Variants in CTNNA2 observed in about 807,000 individuals in gnomAD.
CTNNA2 encodes catenin alpha 2, also known as catenin alpha-2.
In CTNNA2, 42 loss-of-function variants were observed where a neutral mutation model predicts 101.0. The ratio of observed to expected loss-of-function variants is 0.42; its 90% CI spans 0.32 to 0.54. CTNNA2 has a LOEUF of 0.54. Among genes scored for constraint, CTNNA2 ranks in the 20% least tolerant of loss-of-function variants. CTNNA2 has a pLI of 0.14. For synonymous variants in CTNNA2, 450 were observed against 456.4 expected (o/e 0.99, Z 0.18); for missense variants, 871 against 1,223.1 (o/e 0.71, Z 4.29).
intron 2 of CTNNA2, among the ~76,000 whole-genome samples, chr2:79,658,924 T>C (rs1277264869): frequency 1.3e-5 from 2 of 152,110 alleles, no homozygotes; most frequent in Non-Finnish European, 2.9e-5. Context: ...CAAAATTTAA[T>C]AATTATCTCA....
At chr2:79,224,644 G>C (rs1334239276) in intron 2 of CTNNA2, among the ~76,000 whole-genome samples, 1 of 151,998 alleles carries the variant, frequency 6.6e-6, no homozygotes, top group African/African-American at 2.4e-5. Flanking sequence ...ATCATTCAAT[G>C]AGTTCACACA....
At chr2:80,325,458 A>C (rs1573723119) in intron 7 of CTNNA2, among the ~76,000 whole-genome samples, 1 of 152,228 alleles carries the variant, frequency 6.6e-6, no homozygotes, top group African/African-American at 2.4e-5. Flanking sequence ...GCCATTCTAA[A>C]GTAGAGGTAA....
chr2:80,083,117 A>C (rs776892558), intron 7 of CTNNA2, among the ~76,000 whole-genome samples: 8 of 152,096 alleles, frequency 5.3e-5, no homozygotes, highest in Non-Finnish European at 1.2e-4. Context: ...CTGGACATTC[A>C]AGACATGGTT....
At chr2:80,351,020 T>C (rs1573805081) in intron 7 of CTNNA2, among the ~76,000 whole-genome samples, 1 of 152,146 alleles carries the variant, frequency 6.6e-6, no homozygotes, top group Non-Finnish European at 1.5e-5. Context: ...GCAAGTGAGT[T>C]TGATCATTAT....
At chr2:80,615,440 T>A (rs1164163620) in intron 17 of CTNNA2, among the ~76,000 whole-genome samples, 1 of 151,554 alleles carries the variant, frequency 6.6e-6, no homozygotes, top group Admixed American at 6.6e-5. Flanking sequence ...TTTGACTGAG[T>A]TGGGAATTTA....
rs72915146 is a variant in CTNNA2 at position 79,210,337 on chromosome 2, A to G, written c.-406+12261A>G. Among the ~76,000 whole-genome samples, 1,004 of 152,308 alleles carry G rather than the reference A, an allele frequency of 6.6e-3. 9 individuals are homozygous for G. The highest frequency in any genetic ancestry group is 0.023 in the African/African-American group (963 of 41,556). ...AGACACAGTTTATATGATTAAAATA[A>G]AAGTACATATTAGAATTGCAAATAT... is the stretch of plus-strand genomic sequence containing the variant. On this transcript the variant is annotated intron_variant, in intron 2 of 21. Transcript: ENST00000466387.
chr2:79,821,766 A>G (rs1428825875), intron 3 of CTNNA2, among the ~76,000 whole-genome samples: 1 of 152,202 alleles, frequency 6.6e-6, no homozygotes, highest in African/African-American at 2.4e-5. Flanking sequence ...TACATCCCAT[A>G]TAGAACATAT....
Position 80,373,029 on chromosome 2 carries a change from C to T in CTNNA2, c.1057-20182C>T, listed in dbSNP as rs564838782. Among the ~76,000 whole-genome samples the T allele has an allele frequency of 9.2e-5, 14 of 152,298 alleles. No individual in the cohort carries two copies. In the East Asian group the frequency reaches 1.4e-3, roughly 15 times the overall value. ...TGACATTTAGACTACAAGCTTTAGA[C>T]GGTAACTCCATGCAGATTGTGACCA... On this transcript the variant is annotated intron_variant, in intron 7 of 18. Coordinates refer to ENST00000402739, the MANE Select transcript of CTNNA2 (RefSeq NM_001282597.3).
intron 12 of CTNNA2, among the ~76,000 whole-genome samples, chr2:80,561,928 G>T (rs149501334): frequency 6.7e-6 from 1 of 149,730 alleles, no homozygotes; most frequent in African/African-American, 2.5e-5. Flanking sequence ...TGCCTACCTC[G>T]GCCTCTCAAA....
intron 7 of CTNNA2, among the ~76,000 whole-genome samples, chr2:80,362,157 C>T (rs1285946671): frequency 6.6e-6 from 1 of 152,068 alleles, no homozygotes; most frequent in African/African-American, 2.4e-5. Flanking sequence ...GGTTCCTACC[C>T]CTGCCACAGA....
At chr2:80,605,602 T>C (rs184666697) in intron 16 of CTNNA2, 25 of 152,014 alleles carry the variant, frequency 1.6e-4, no homozygotes, top group Middle Eastern at 3.4e-3. Flanking sequence ...AAATACTTAC[T>C]GCCTCAGCAT....
intron 2 of CTNNA2, among the ~76,000 whole-genome samples, chr2:79,733,338 G>T (rs1239981052): frequency 2.0e-5 from 3 of 152,002 alleles, no homozygotes; most frequent in Non-Finnish European, 4.4e-5. Flanking sequence ...TGTTTTTTCA[G>T]CCTCATAACT....
chr2:80,214,325 T>G (rs1489168707), intron 7 of CTNNA2, among the ~76,000 whole-genome samples: 1 of 152,222 alleles, frequency 6.6e-6, no homozygotes. Flanking sequence ...CCTTACAATT[T>G]GGCATGTTTT....
At chr2:80,289,552 C>T (rs1016524986) in intron 7 of CTNNA2, among the ~76,000 whole-genome samples, 1 of 152,176 alleles carries the variant, frequency 6.6e-6, no homozygotes, top group African/African-American at 2.4e-5. Context: ...ATAAACATAA[C>T]ATGTCACTCT....
intron 3 of CTNNA2, among the ~76,000 whole-genome samples, chr2:79,849,955 G>A (rs1680539904): frequency 6.6e-6 from 1 of 152,092 alleles, no homozygotes; most frequent in Non-Finnish European, 1.5e-5. Context: ...ACCGATGTAA[G>A]GTATGATTAA....
Position 79,858,118 on chromosome 2 carries a change from C to T in CTNNA2, c.404C>T (p.Thr135Ile). The change falls in exon 4 of 19, where the codon ACA becomes ATA. Residue 135 changes from threonine (T) to isoleucine (I), a missense_variant. Thr to Ile is a moderately conservative substitution (Grantham distance 89). Transcript: ENST00000402739. ...RAARALLSAV[T>I]RLLILADMAD... Reference sequence around the variant, plus strand: ...GCAAGGGCTTTGCTCTCCGCGGTGACACGCTTACTCATCCTGGCGGACATG... The same window carrying T: ...GCAAGGGCTTTGCTCTCCGCGGTGATACGCTTACTCATCCTGGCGGACATG... The T allele has an allele frequency of 1.2e-6, 2 of 1,614,048 alleles. No homozygotes were observed. Among genetic ancestry groups the T allele is most frequent in the Non-Finnish European group, 1.7e-6 (2 of 1,179,934 alleles).
intron 3 of CTNNA2, among the ~76,000 whole-genome samples, chr2:79,782,928 A>G (rs1573957832): frequency 6.6e-6 from 1 of 151,292 alleles, no homozygotes; most frequent in Admixed American, 6.6e-5. Context: ...CATCTCTTTC[A>G]TAAATTTAGT....
intron 12 of CTNNA2, 51 bp downstream of exon 12, chr2:80,555,944 C>T (rs375704269): frequency 8.3e-7 from 1 of 1,204,306 alleles, no homozygotes; most frequent in South Asian, 2.2e-5. Context: ...TGATTAGTTT[C>T]TATAACTGAA....
chr2:80,582,349 C>T (rs185482856), intron 14 of CTNNA2, among the ~76,000 whole-genome samples: 14 of 152,172 alleles, frequency 9.2e-5, no homozygotes, highest in African/African-American at 3.1e-4. Flanking sequence ...TTTTTCTTTC[C>T]TCATGATGCC....
Sources: gnomAD v4.1 joint callset for allele counts (sites outside exome capture counted in the v4.1 genomes callset) on GRCh38, gnomAD v4.1.1 for gene constraint, MANE v1.5 for transcripts, NCBI Gene and HGNC (gene_info 2026-07-23, HGNC 2026-07-21) for gene names.